The following GRIA4 variants were observed in gnomAD, a reference collection of about 807,000 sequenced individuals.
The protein encoded by GRIA4 is glutamate receptor 4.
GRIA4 carries 34 observed loss-of-function variants against 104.0 expected under a neutral mutation model. The observed-to-expected ratio is 0.33, with a 90% CI of 0.25 to 0.44. The LOEUF is 0.44. GRIA4 is among the 20% of genes least tolerant of loss of function. The pLI, the probability that GRIA4 is intolerant of heterozygous loss-of-function variation, is 1.00. For synonymous variants in GRIA4, 386 were observed against 381.9 expected, an observed-to-expected ratio of 1.01 and a Z score of -0.13; for missense variants, 750 against 1,096.5, an observed-to-expected ratio of 0.68 and a Z score of 4.46.
At chr11:105,936,808 A>G (rs1459404719) in intron 14 of GRIA4, among the ~76,000 whole-genome samples, 1 of 152,204 alleles carries the variant, frequency 6.6e-6, no homozygotes, top group Non-Finnish European at 1.5e-5. Flanking sequence ...TATCACAGCA[A>G]TGGTGACTAG....
intron 4 of GRIA4, among the ~76,000 whole-genome samples, chr11:105,759,274 T>C (rs1940485102): frequency 1.3e-5 from 2 of 152,192 alleles, no homozygotes; most frequent in Non-Finnish European, 1.5e-5. Context: ...TGGTTAATAT[T>C]TTATATTATG....
In GRIA4 at chr11:105,835,963, CA is replaced by C. The variant is rs369786666; in HGVS notation, c.488-26057del. Among the ~76,000 whole-genome samples the C allele has an allele frequency of 7.3e-3, 1,114 of 151,778 alleles. 13 individuals carry two copies. The highest frequency in any genetic ancestry group is 0.026 in the African/African-American group (1,064 of 41,412). ...TCTTACAATGTTTGAGGATAAAAGC[CA>C]AAAGCCAATAAAAGAAGATTTGGAA... On this transcript the variant is annotated intron_variant, in intron 4 of 16. Transcript: ENST00000282499.
At chr11:105,796,947 G>A (rs931843525) in intron 4 of GRIA4, among the ~76,000 whole-genome samples, 4 of 152,018 alleles carry the variant, frequency 2.6e-5, no homozygotes, top group Admixed American at 6.6e-5. Context: ...TAAAAATACC[G>A]CTGGCCAGGC....
chr11:105,810,179 G>C, intron 4 of GRIA4, among the ~76,000 whole-genome samples: 1 of 152,138 alleles, frequency 6.6e-6, no homozygotes, highest in South Asian at 2.1e-4. Context: ...CTCCATGTTA[G>C]AACAGCTTGT....
In GRIA4 at chr11:105,945,232, G is replaced by A. The variant is rs1186405124; in HGVS notation, c.2294+11263G>A. On this transcript the variant is annotated intron_variant, in intron 14 of 16. Coordinates refer to ENST00000282499, the MANE Select transcript of GRIA4 (RefSeq NM_000829.4). ...CTCCTACTCTAAGCCAATCTTCAAGGTATTAGAGCTCTCTGGCAAGACAGA... is the reference window on the plus strand; with the variant it reads ...CTCCTACTCTAAGCCAATCTTCAAGATATTAGAGCTCTCTGGCAAGACAGA... 2.0e-5 allele frequency among the ~76,000 whole-genome samples: 3 copies of A among 152,196 alleles called. No individual in the cohort carries two copies. In the East Asian group the frequency reaches 5.8e-4, roughly 29 times the overall value.
At chr11:105,868,150 C>A (rs1286553429) in intron 5 of GRIA4, among the ~76,000 whole-genome samples, 2 of 152,058 alleles carry the variant, frequency 1.3e-5, no homozygotes, top group African/African-American at 4.8e-5. Context: ...TCAAGGCAGT[C>A]CCAAATGTTT....
intron 4 of GRIA4, among the ~76,000 whole-genome samples, chr11:105,768,515 TA>T (rs983287033): frequency 4.6e-5 from 7 of 151,878 alleles, no homozygotes; most frequent in African/African-American, 1.5e-4. Context: ...AGTTTTCACG[TA>T]AAAAAAATCT....
At position 105,656,225 on chromosome 11, in the gene GRIA4, A is replaced by G. The variant is rs541251140; in HGVS notation, c.247+43791A>G. ...TTTAAATTATTTGTAGATTCTGGATATTACTATCTGATATTTTACAAACCT... is the reference window on the plus strand; with the variant it reads ...TTTAAATTATTTGTAGATTCTGGATGTTACTATCTGATATTTTACAAACCT... On this transcript the variant is annotated intron_variant, in intron 3 of 16. Coordinates refer to ENST00000282499, the MANE Select transcript of GRIA4 (RefSeq NM_000829.4). Among the ~76,000 whole-genome samples, 6 of 152,216 alleles carry G rather than the reference A, an allele frequency of 3.9e-5. No individual in the cohort carries two copies. In the South Asian group the frequency reaches 1.0e-3, roughly 26 times the overall value.
intron 3 of GRIA4, among the ~76,000 whole-genome samples, chr11:105,660,774 C>G (rs1350411130): frequency 6.6e-6 from 1 of 151,490 alleles, no homozygotes; most frequent in Admixed American, 6.6e-5. Flanking sequence ...ATGAAAAACT[C>G]CAAGACATAT....
chr11:105,942,071 AT>A (rs1179464178), intron 14 of GRIA4, among the ~76,000 whole-genome samples: 1 of 151,978 alleles, frequency 6.6e-6, no homozygotes, highest in African/African-American at 2.4e-5. Flanking sequence ...TAAAAAGTAA[AT>A]TTTTTTCTTA....
Position 105,849,827 on chromosome 11 carries a change from C to A in GRIA4, c.488-12197C>A, listed in dbSNP as rs549777181. Among the ~76,000 whole-genome samples, 4 of 152,220 alleles carry A rather than the reference C, an allele frequency of 2.6e-5. No individual in the cohort carries two copies. In the South Asian group the frequency reaches 8.3e-4, roughly 32 times the overall value. Reference sequence around the variant, plus strand: ...AGTCATAATTAGCTCTAAAAAACAACCCTAGGATTCTTTACTGGAATTTGT... The same window carrying A: ...AGTCATAATTAGCTCTAAAAAACAAACCTAGGATTCTTTACTGGAATTTGT... On this transcript the variant is annotated intron_variant, in intron 4 of 16. Coordinates refer to ENST00000282499, the MANE Select transcript of GRIA4 (RefSeq NM_000829.4).
intron 5 of GRIA4, among the ~76,000 whole-genome samples, chr11:105,883,101 C>T (rs1329864742): frequency 1.3e-5 from 2 of 151,920 alleles, no homozygotes; most frequent in South Asian, 2.1e-4. Flanking sequence ...ACAAAACAAA[C>T]AAAACCCCAC....
chr11:105,848,036 C>T (rs1368349086), intron 4 of GRIA4, among the ~76,000 whole-genome samples: 2 of 152,176 alleles, frequency 1.3e-5, no homozygotes, highest in Admixed American at 1.3e-4. Context: ...ATAATTTTGA[C>T]ATCTTTCATG....
chr11:105,971,834 C>G, intron 14 of GRIA4, 80 bp from the exon 15 acceptor site: 1 of 885,474 alleles, frequency 1.1e-6, no homozygotes, highest in Non-Finnish European at 1.8e-6. Context: ...TGTCACTTTG[C>G]CATGCGATTC....
chr11:105,938,156 G>A (rs1948095364), intron 14 of GRIA4, among the ~76,000 whole-genome samples: 1 of 152,112 alleles, frequency 6.6e-6, no homozygotes, highest in Non-Finnish European at 1.5e-5. Flanking sequence ...AATTTGCTGG[G>A]GCAGGTGTAT....
chr11:105,924,306 C>T, intron 11 of GRIA4, 93 bp from the exon 12 acceptor site: 2 of 870,752 alleles, frequency 2.3e-6, no homozygotes, highest in South Asian at 4.3e-5. Context: ...AGAATAAACG[C>T]ATGACTGGTT....
At chr11:105,880,846 T>C (rs1946025378) in intron 5 of GRIA4, among the ~76,000 whole-genome samples, 1 of 152,198 alleles carries the variant, frequency 6.6e-6, no homozygotes, top group African/African-American at 2.4e-5. Flanking sequence ...AGAGTAAGTA[T>C]TTAAATATAA....
intron 13 of GRIA4, among the ~76,000 whole-genome samples, 192 bp from the exon 14 acceptor site, chr11:105,933,530 T>C (rs1329421647): frequency 6.6e-6 from 1 of 152,142 alleles, no homozygotes; most frequent in Non-Finnish European, 1.5e-5. Context: ...TTTCCATGAT[T>C]TCCTTAAACA....
rs181297644 is a variant in GRIA4 at position 105,649,437 on chromosome 11, C to T, written c.247+37003C>T. ...TCCAATTCTTGGCTTTTGATTTTGT[C>T]TTAAATGATGTTTTTACCATTCCAT... is the stretch of plus-strand genomic sequence containing the variant. On this transcript the variant is annotated intron_variant, in intron 3 of 16. Transcript: ENST00000282499. 5.9e-5 allele frequency among the ~76,000 whole-genome samples: 9 copies of T among 152,140 alleles called. No individual in the cohort carries two copies. In the East Asian group the frequency reaches 1.7e-3, roughly 29 times the overall value.
Sources: allele counts gnomAD v4.1 joint callset (sites outside exome capture counted in the v4.1 genomes callset), GRCh38; gene constraint gnomAD v4.1.1; transcripts MANE v1.5; gene names NCBI Gene and HGNC (gene_info 2026-07-23, HGNC 2026-07-21).